Variants in ACSS3 observed in about 807,000 individuals in gnomAD.
ACSS3 encodes acyl-CoA synthetase short-chain family member 3, mitochondrial.
ACSS3 carries 64 observed loss-of-function variants against 84.2 expected under a neutral mutation model. That is an observed-to-expected ratio of 0.76 (90% CI 0.62 to 0.94). ACSS3 has a LOEUF of 0.94. Ranked by LOEUF, ACSS3 falls within the 40% of genes least tolerant of loss-of-function variation. The probability of loss-of-function intolerance (pLI) is 0.00; values close to 1 mark genes in which losing one functional copy is unlikely to be tolerated. For missense variants in ACSS3, 815 were observed against 867.6 expected, an observed-to-expected ratio of 0.94 and a Z score of 0.76; for synonymous variants, 317 against 310.1, an observed-to-expected ratio of 1.02 and a Z score of -0.23.
chr12:81,251,369 A>G (rs1468201024), intron 13 of ACSS3, among the ~76,000 whole-genome samples: 2 of 152,294 alleles, frequency 1.3e-5, no homozygotes, highest in African/African-American at 4.8e-5. Context: ...AATGTAAACT[A>G]TGAACTAGGA....
chr12:81,251,668 C>CAAAAAAAAGA lies in ACSS3; in HGVS notation c.1720-1631_1720-1630insGAAAAAAAAA, dbSNP rs768942920. Among the ~76,000 whole-genome samples, 9 of 87,856 alleles carry CAAAAAAAAGA rather than the reference C, an allele frequency of 1.0e-4. 1 individual carries two copies. Among genetic ancestry groups the CAAAAAAAAGA allele is most frequent in the African/African-American group, 2.0e-4 (5 of 25,066 alleles). The allele number at this position is 87,856 out of a possible 152,430, so 57.6% of individuals were successfully genotyped here. On this transcript the variant is annotated intron_variant, in intron 13 of 15. Coordinates refer to ENST00000548058, the MANE Select transcript of ACSS3 (RefSeq NM_024560.4). The stretch of plus-strand genomic sequence containing the variant: ...GGAACATGGCGAAACCCCATCTCTA[C>CAAAAAAAAGA]AAAAAAAAAAAAAAAATACAAAAAT...
rs191390266 is a variant in ACSS3 at position 81,219,541 on chromosome 12, G to T, written c.1451-472G>T. 1.9e-4 allele frequency among the ~76,000 whole-genome samples: 29 copies of T among 152,192 alleles called. No individual in the cohort carries two copies. In the East Asian group the frequency reaches 5.2e-3, roughly 27 times the overall value. ...AAAGTATTGAGATAATATTTGGGAA[G>T]ATTAAATTGACCAAATTTAAAGCTC... On this transcript the variant is annotated intron_variant, in intron 10 of 15. Coordinates refer to ENST00000548058, the MANE Select transcript of ACSS3 (RefSeq NM_024560.4).
intron 13 of ACSS3, among the ~76,000 whole-genome samples, chr12:81,237,989 G>A (rs1438463837): frequency 6.6e-6 from 1 of 151,610 alleles, no homozygotes; most frequent in Non-Finnish European, 1.5e-5. Flanking sequence ...TAAGCTCTAG[G>A]TTTGTTTGTA....
chr12:81,252,532 G>A (rs1376311871), intron 13 of ACSS3, among the ~76,000 whole-genome samples: 1 of 151,754 alleles, frequency 6.6e-6, no homozygotes, highest in Non-Finnish European at 1.5e-5. Flanking sequence ...ATGATTATTG[G>A]GGTCACCAAA....
chr12:81,248,885 T>C (rs1004598223), intron 13 of ACSS3, among the ~76,000 whole-genome samples: 1 of 151,930 alleles, frequency 6.6e-6, no homozygotes, highest in Non-Finnish European at 1.5e-5. Context: ...AAAAAAACCG[T>C]AAAATTTATA....
intron 2 of ACSS3, among the ~76,000 whole-genome samples, chr12:81,129,103 C>G (rs891668731): frequency 3.3e-5 from 5 of 152,094 alleles, no homozygotes; most frequent in Non-Finnish European, 2.9e-5. Context: ...CTGAAACAAG[C>G]AAGGCCAAAT....
intron 1 of ACSS3, among the ~76,000 whole-genome samples, chr12:81,107,560 A>ATATATATATATAT (rs1256549775): frequency 1.0e-5 from 1 of 98,704 alleles, no homozygotes; most frequent in African/African-American, 3.7e-5. Context: ...ATATATATAT[A>ATATATATATATAT]AATGTTTTTG....
chr12:81,213,935 T>C (rs58124410), intron 9 of ACSS3, among the ~76,000 whole-genome samples: 5 of 101,758 alleles, frequency 4.9e-5, no homozygotes, highest in South Asian at 3.8e-4. Context: ...CTTCCTTCCT[T>C]TCTCTCTCTC....
Position 81,130,978 on chromosome 12 carries a change from T to C in ACSS3, c.457-3838T>C, listed in dbSNP as rs554296637. On this transcript the variant is annotated intron_variant, in intron 2 of 15. Transcript: ENST00000548058. ...TTTCTGAAGGCTCTGTTCTGTTCAATTGGTCTATATCTCTGTTTTGGTACC... is the reference window on the plus strand; with the variant it reads ...TTTCTGAAGGCTCTGTTCTGTTCAACTGGTCTATATCTCTGTTTTGGTACC... 3.3e-5 allele frequency among the ~76,000 whole-genome samples: 5 copies of C among 152,308 alleles called. No individual in the cohort carries two copies. The East Asian group carries it at 9.6e-4, about 29-fold the overall frequency.
At chr12:81,245,564 G>A (rs1214780650) in intron 13 of ACSS3, among the ~76,000 whole-genome samples, 6 of 152,276 alleles carry the variant, frequency 3.9e-5, no homozygotes, top group Admixed American at 2.6e-4. Flanking sequence ...CAGCAGTTAG[G>A]TTCTGTTACA....
intron 11 of ACSS3, among the ~76,000 whole-genome samples, chr12:81,230,661 C>A (rs1238279177): frequency 6.6e-6 from 1 of 151,808 alleles, no homozygotes; most frequent in Non-Finnish European, 1.5e-5. Context: ...GCAAAGATGA[C>A]AATATCTTAG....
intron 1 of ACSS3, among the ~76,000 whole-genome samples, chr12:81,090,689 G>A (rs1246484343): frequency 1.3e-5 from 2 of 152,056 alleles, no homozygotes; most frequent in East Asian, 1.9e-4. Flanking sequence ...TTTTGAGGCA[G>A]TTGGCTTCCT....
chr12:81,099,489 A>C (rs754146779), intron 1 of ACSS3, among the ~76,000 whole-genome samples: 4 of 152,224 alleles, frequency 2.6e-5, no homozygotes, highest in African/African-American at 9.6e-5. Context: ...AGCTTTCAAC[A>C]GTTATTTCAT....
intron 8 of ACSS3, among the ~76,000 whole-genome samples, chr12:81,193,917 A>G (rs1042485837): frequency 5.3e-5 from 8 of 151,898 alleles, no homozygotes; most frequent in Non-Finnish European, 1.0e-4. Context: ...GAGGGCCCAA[A>G]TTACTCTACA....
At chr12:81,132,247 T>C (rs1885551819) in intron 2 of ACSS3, among the ~76,000 whole-genome samples, 4 of 152,116 alleles carry the variant, frequency 2.6e-5, no homozygotes, top group Admixed American at 1.3e-4. Flanking sequence ...GCTGTGAATC[T>C]GTCTGGTCCT....
chr12:81,174,957 A>G lies in ACSS3; in HGVS notation c.1250+18A>G, dbSNP rs1163772480. 12 of 1,608,554 alleles carry G rather than the reference A, an allele frequency of 7.5e-6. No individual in the cohort carries two copies. The highest frequency in any genetic ancestry group is 1.7e-4 in the Middle Eastern group (1 of 6,016). On this transcript the variant is annotated intron_variant, in intron 8 of 15. Coordinates refer to ENST00000548058, the MANE Select transcript of ACSS3 (RefSeq NM_024560.4). ...CTGACAAGGTGACGTTGGGATGCAC[A>G]GGGCAAATGACATTAGAAAGTGCAA...
chr12:81,145,197 T>C (rs1886282663), intron 5 of ACSS3, among the ~76,000 whole-genome samples: 1 of 151,528 alleles, frequency 6.6e-6, no homozygotes, highest in East Asian at 2.0e-4. Flanking sequence ...ATTACAGGCA[T>C]GAGCCACTGC....
chr12:81,221,177 T>C (rs1429051814), intron 11 of ACSS3, among the ~76,000 whole-genome samples: 1 of 152,072 alleles, frequency 6.6e-6, no homozygotes. Context: ...TTGATTAAGT[T>C]AGAAGGTTCA....
At chr12:81,237,117 G>A (rs1421938085) in intron 13 of ACSS3, among the ~76,000 whole-genome samples, 5 of 151,432 alleles carry the variant, frequency 3.3e-5, no homozygotes, top group African/African-American at 1.2e-4. Context: ...ACCGCCCTGT[G>A]CATCTCCAGT....
Sources: allele counts gnomAD v4.1 joint callset (sites outside exome capture counted in the v4.1 genomes callset), GRCh38; gene constraint gnomAD v4.1.1; transcripts MANE v1.5; gene names NCBI Gene and HGNC (gene_info 2026-07-23, HGNC 2026-07-21).